The following SRFBP1 variants were observed in gnomAD, a reference collection of about 807,000 sequenced individuals.
The protein encoded by SRFBP1 is serum response factor-binding protein 1.
A neutral mutation model predicts 45.5 loss-of-function variants in SRFBP1; 47 were observed. That is an observed-to-expected ratio of 1.03 (90% CI 0.82 to 1.32). The LOEUF is 1.32. Among genes scored for constraint, SRFBP1 ranks in the 40% most tolerant of loss-of-function variants. The pLI, the probability that SRFBP1 is intolerant of heterozygous loss-of-function variation, is 0.00. For missense variants in SRFBP1, 621 were observed against 484.6 expected (o/e 1.28, Z -2.64); for synonymous variants, 203 against 166.3 (o/e 1.22, Z -1.70).
chr5:122,000,271 T>C (rs1752833134), intron 4 of SRFBP1, among the ~76,000 whole-genome samples: 1 of 152,106 alleles, frequency 6.6e-6, no homozygotes, highest in African/African-American at 2.4e-5. Context: ...ACATATGCTA[T>C]AAGTATATAA....
rs757575663 is a variant in SRFBP1, at chr5:121,961,987, AC to A, written c.-44del. 34 of 1,613,214 alleles carry A rather than the reference AC, an allele frequency of 2.1e-5. No individual in the cohort carries two copies. The African/African-American group carries it at 4.3e-4, about 20-fold the overall frequency. ...TGGCGACGCAGCCGCGGTCTGAGAG[AC>A]CGGTTCACGTGCAGGCAGCGGCGGA... On this transcript the variant is annotated 5_prime_UTR_variant, in exon 1 of 8. Coordinates refer to ENST00000339397, the MANE Select transcript of SRFBP1 (RefSeq NM_152546.3).
chr5:122,016,159 C>T lies in SRFBP1; in HGVS notation c.271-3101C>T, dbSNP rs114684591. Among the ~76,000 whole-genome samples the T allele has an allele frequency of 4.1e-3, 622 of 152,270 alleles. 8 individuals are homozygous for T. The highest frequency in any genetic ancestry group is 0.014 in the African/African-American group (600 of 41,548). On this transcript the variant is annotated intron_variant, in intron 4 of 7. Transcript: ENST00000339397. ...CCATCTGCTATTGATATGTCCTCTC[C>T]AGATATTCAGCACACCAAGTATCCC... is the stretch of plus-strand genomic sequence containing the variant.
chr5:121,974,158 A>C (rs200345002), intron 1 of SRFBP1, 38 bp from the exon 2 acceptor site: 69 of 1,422,680 alleles, frequency 4.8e-5, no homozygotes, highest in East Asian at 1.4e-4. Context: ...TTCCTGAAGT[A>C]AGTGCCTTTC....
At chr5:121,980,441 T>A (rs1752385753) in intron 3 of SRFBP1, among the ~76,000 whole-genome samples, 1 of 152,198 alleles carries the variant, frequency 6.6e-6, no homozygotes, top group African/African-American at 2.4e-5. Context: ...TCCTGTAGTC[T>A]TTCACCCAGC....
intron 3 of SRFBP1, 27 bp downstream of exon 3, chr5:121,975,414 G>C: frequency 6.2e-7 from 1 of 1,611,670 alleles, no homozygotes. Context: ...GTGTGTATGT[G>C]TGTATGTTTC....
rs1185722334 is a variant in SRFBP1 at position 122,020,081 on chromosome 5, C to T, written c.353-7C>T. The T allele has an allele frequency of 6.5e-7, 1 of 1,528,830 alleles. No individual in the cohort carries two copies. The highest frequency in any genetic ancestry group is 1.3e-5 in the South Asian group (1 of 75,828). The allele number at this position is 1,528,830 out of a possible 1,614,324, so 94.7% of individuals were successfully genotyped here. On this transcript the variant is annotated splice_region_variant and splice_polypyrimidine_tract_variant and intron_variant, in intron 5 of 7. Transcript: ENST00000339397. ...CTAAAATGAGTGATGCACTGTTTCT[C>T]TTGCAGCTGCTGTACAAGCCTTTAA...
chr5:122,077,292 C>G, downstream of SRFBP1: 2 of 1,603,016 alleles, frequency 1.2e-6, no homozygotes, highest in Non-Finnish European at 1.7e-6. This position sits in a 1 kb window ranked among gnomAD's most constrained non-coding sequence, Gnocchi z 4.9. Flanking sequence ...GCAGCCACGT[C>G]GAGAAGCCAC....
chr5:122,065,791 G>T (rs1754283713), intron 2 of SRFBP1: 1 of 151,978 alleles, frequency 6.6e-6, no homozygotes, highest in Non-Finnish European at 1.5e-5. Context: ...TTGTGGTTTG[G>T]GGGGGACTTG....
chr5:122,048,848 A>T (rs1753913857), intron 2 of SRFBP1, among the ~76,000 whole-genome samples: 1 of 152,154 alleles, frequency 6.6e-6, no homozygotes. Flanking sequence ...TGTTTATAGT[A>T]TTCTCTGATG....
intron 4 of SRFBP1, among the ~76,000 whole-genome samples, chr5:122,004,677 T>G (rs915016607): frequency 1.3e-5 from 2 of 152,200 alleles, no homozygotes; most frequent in African/African-American, 4.8e-5. Context: ...CTCTAATCTT[T>G]ATTTTCTTCT....
rs751618076 is a variant in SRFBP1, at chr5:121,975,344, A to G, written c.155A>G (p.Gln52Arg). The G allele has an allele frequency of 3.1e-6, 5 of 1,613,428 alleles. No homozygotes were observed. The South Asian group carries it at 4.4e-5, about 14-fold the overall frequency. Residue 52 changes from glutamine (Q) to arginine (R), a missense_variant, in exon 3 of 8, where the codon CAA (glutamine) becomes CGA (arginine). Gln to Arg is a conservative substitution (Grantham distance 43). Transcript: ENST00000339397. The stretch of plus-strand genomic sequence containing the variant: ...ACTGAAGATGCACTGTTAAAAAACC[A>G]AAGACGGGCGCAAAGATTGCTTGAA... ...KGTEDALLKN[Q>R]RRAQRLLEEI...
In SRFBP1 at chr5:122,020,647, TAA is replaced by T; in HGVS notation, c.913_914del (p.Lys305GlyfsTer11). The T allele has an allele frequency of 1.9e-6, 3 of 1,613,998 alleles. No individual in the cohort carries two copies. The highest frequency in any genetic ancestry group is 2.5e-6 in the Non-Finnish European group (3 of 1,179,966). On this transcript the variant is annotated frameshift_variant, in exon 6 of 8. Coordinates refer to ENST00000339397, the MANE Select transcript of SRFBP1 (RefSeq NM_152546.3). LOFTEE classifies it high-confidence loss of function. The part of the protein sequence containing the change: ...KKESSCHSSV[K>X]EQKPLEKVFL... Reference sequence around the variant, plus strand: ...AGGAAAGTAGTTGTCATTCTTCAGTTAAGGAACAAAAACCACTAGAAAAAGTG... The same window carrying T: ...AGGAAAGTAGTTGTCATTCTTCAGTTGGAACAAAAACCACTAGAAAAAGTG...
intron 2 of SRFBP1, among the ~76,000 whole-genome samples, chr5:122,056,374 T>A (rs1361073272): frequency 6.6e-6 from 1 of 152,196 alleles, no homozygotes; most frequent in African/African-American, 2.4e-5. Flanking sequence ...TACTAAAATG[T>A]AGCCCTGATA....
chr5:122,004,108 C>T (rs1752933007), intron 4 of SRFBP1, among the ~76,000 whole-genome samples: 1 of 152,102 alleles, frequency 6.6e-6, no homozygotes, highest in East Asian at 1.9e-4. Flanking sequence ...TCTGGTGTAG[C>T]AAGTGTAGCT....
downstream of SRFBP1, among the ~76,000 whole-genome samples, chr5:122,028,871 G>A (rs905200601): frequency 6.6e-6 from 1 of 152,118 alleles, no homozygotes; most frequent in Non-Finnish European, 1.5e-5. Flanking sequence ...AAGGAGTTAC[G>A]GTCCAAGTAA....
At chr5:122,077,916 G>T (rs1754691651), downstream of SRFBP1, 1 of 1,517,550 alleles carries the variant, frequency 6.6e-7, no homozygotes, top group Admixed American at 2.3e-5. This position sits in a 1 kb window ranked among gnomAD's most constrained non-coding sequence, Gnocchi z 4.9. Context: ...CCGGCGGCGG[G>T]AGGGGCGCAG....
At chr5:122,046,300 G>A (rs1425081050) in intron 2 of SRFBP1, among the ~76,000 whole-genome samples, 1 of 151,904 alleles carries the variant, frequency 6.6e-6, no homozygotes, top group Non-Finnish European at 1.5e-5. Context: ...GGCGGTGTTT[G>A]GTTTTTTGTC....
chr5:122,003,412 A>G (rs745387105), intron 4 of SRFBP1, among the ~76,000 whole-genome samples: 2 of 151,538 alleles, frequency 1.3e-5, no homozygotes, highest in African/African-American at 4.9e-5. Context: ...CAGGTCTTAG[A>G]CAAAATAATG....
intron 3 of SRFBP1, among the ~76,000 whole-genome samples, chr5:121,993,279 A>G (rs1054697218): frequency 8.5e-5 from 13 of 152,254 alleles, no homozygotes; most frequent in African/African-American, 2.4e-4. Context: ...AAACATATGT[A>G]TATATTCCTT....
Sources: allele counts gnomAD v4.1 joint callset (sites outside exome capture counted in the v4.1 genomes callset), GRCh38; gene constraint gnomAD v4.1.1; non-coding constraint Gnocchi (gnomAD v3.1); transcripts MANE v1.5; gene names NCBI Gene and HGNC (gene_info 2026-07-23, HGNC 2026-07-21).